The following CTNNA3 variants were observed in gnomAD, a reference collection of about 807,000 sequenced individuals.
CTNNA3 encodes catenin alpha 3.
CTNNA3 carries 76 observed loss-of-function variants against 95.7 expected under a neutral mutation model. The ratio of observed to expected loss-of-function variants is 0.79; its 90% CI spans 0.66 to 0.96. The LOEUF (loss-of-function observed/expected upper bound fraction) is 0.96. Ranked by LOEUF, CTNNA3 falls within the 40% of genes least tolerant of loss-of-function variation. CTNNA3 has a pLI of 0.00. For missense variants in CTNNA3, 1,191 were observed against 1,089.8 expected (o/e 1.09, Z -1.31); for synonymous variants, 431 against 374.4 (o/e 1.15, Z -1.74).
At chr10:66,899,127 T>C (rs980604825) in intron 7 of CTNNA3, among the ~76,000 whole-genome samples, 1 of 152,088 alleles carries the variant, frequency 6.6e-6, no homozygotes, top group African/African-American at 2.4e-5. Flanking sequence ...CTTCACTAAC[T>C]ATAAGGGAAA....
rs1554931879 is a variant in CTNNA3 at position 66,317,691 on chromosome 10, T to TTAA, written c.1733-37071_1733-37070insTTA. 2.3e-3 allele frequency among the ~76,000 whole-genome samples: 117 copies of TTAA among 50,112 alleles called. 2 individuals are homozygous for TTAA. Among genetic ancestry groups the TTAA allele is most frequent in the African/African-American group, 5.3e-3 (96 of 18,004 alleles). 32.9% of individuals were successfully genotyped at this position (50,112 alleles called of 152,430 possible). A position where few individuals can be genotyped will look rare whatever the true frequency, so the allele number is the denominator to read the frequency against. ...CTGTCTCAAAAAATTAAAAAAAATTTAAAATGAGAAAAGAAATTTTATAAT... is the reference window on the plus strand; with the variant it reads ...CTGTCTCAAAAAATTAAAAAAAATTTTAAAAAATGAGAAAAGAAATTTTATAAT... On this transcript the variant is annotated intron_variant, in intron 12 of 17. Coordinates refer to ENST00000433211, the MANE Select transcript of CTNNA3 (RefSeq NM_013266.4).
chr10:66,817,216 GAAATA>G (rs1185791441), intron 7 of CTNNA3, among the ~76,000 whole-genome samples: 5 of 151,546 alleles, frequency 3.3e-5, no homozygotes, highest in African/African-American at 1.2e-4. Context: ...AAAATCTACT[GAAATA>G]AAATAAAACA....
intron 13 of CTNNA3, among the ~76,000 whole-genome samples, chr10:66,115,326 A>G (rs1394009031): frequency 6.6e-6 from 1 of 152,228 alleles, no homozygotes; most frequent in Admixed American, 6.5e-5. Context: ...GTCCCTTACC[A>G]GGTCCCATGC....
chr10:66,831,609 A>T (rs1013623862), intron 7 of CTNNA3, among the ~76,000 whole-genome samples: 2 of 152,198 alleles, frequency 1.3e-5, no homozygotes, highest in African/African-American at 4.8e-5. Flanking sequence ...CCATGAAAGC[A>T]GCGGATATTT....
intron 7 of CTNNA3, among the ~76,000 whole-genome samples, chr10:66,898,571 C>T (rs1845596038): frequency 6.6e-6 from 1 of 151,880 alleles, no homozygotes; most frequent in Non-Finnish European, 1.5e-5. Flanking sequence ...AACATGAGTG[C>T]CAAAAAATAC....
At chr10:66,986,688 T>C (rs1589551347) in intron 7 of CTNNA3, among the ~76,000 whole-genome samples, 1 of 152,146 alleles carries the variant, frequency 6.6e-6, no homozygotes, top group Non-Finnish European at 1.5e-5. Flanking sequence ...AAGTCAACTT[T>C]TACAACTCCA....
intron 7 of CTNNA3, among the ~76,000 whole-genome samples, chr10:67,041,078 G>A (rs1427142720): frequency 6.6e-6 from 1 of 152,078 alleles, no homozygotes; most frequent in African/African-American, 2.4e-5. Flanking sequence ...CTGATAATAA[G>A]ATTAGTGTTA....
intron 9 of CTNNA3, among the ~76,000 whole-genome samples, chr10:66,762,864 G>A (rs1417265550): frequency 1.3e-5 from 2 of 151,706 alleles, no homozygotes; most frequent in African/African-American, 2.4e-5. Flanking sequence ...TTTAAATATG[G>A]GCTTTTTTCT....
intron 13 of CTNNA3, among the ~76,000 whole-genome samples, chr10:66,191,225 G>C (rs1275246602): frequency 6.6e-6 from 1 of 152,146 alleles, no homozygotes; most frequent in Non-Finnish European, 1.5e-5. Context: ...TGAGAAGAGA[G>C]ATTCTAGGTT....
rs528761424 is a variant in CTNNA3, at chr10:66,493,599, A to ATTTTTTTTTTT, written c.1531+27007_1531+27017dup. ...GGGTTGGCTAACATTTAACTACAGT[A>ATTTTTTTTTTT]TTTTTTTTTTTTTTTTTTTTGAGAC... On this transcript the variant is annotated intron_variant, in intron 11 of 17. Coordinates refer to ENST00000433211, the MANE Select transcript of CTNNA3 (RefSeq NM_013266.4). 3.1e-3 allele frequency among the ~76,000 whole-genome samples: 347 copies of ATTTTTTTTTTT among 112,000 alleles called. 32 individuals carry two copies. Among genetic ancestry groups the ATTTTTTTTTTT allele is most frequent in the African/African-American group, 0.012 (331 of 26,612 alleles). 73.5% of individuals were successfully genotyped at this position (112,000 alleles called of 152,430 possible).
In CTNNA3 at chr10:66,256,234, A is replaced by C. The variant is rs903080534; in HGVS notation, c.1884+24236T>G. ...TTTACAAGCTAGACTGCTGGACACT[A>C]TGCAAAAATATGCAAATTTAGACCC... is the stretch of plus-strand genomic sequence containing the variant. On this transcript the variant is annotated intron_variant, in intron 13 of 17. Coordinates refer to ENST00000433211, the MANE Select transcript of CTNNA3 (RefSeq NM_013266.4). 3.9e-5 allele frequency among the ~76,000 whole-genome samples: 6 copies of C among 152,288 alleles called. No individual in the cohort carries two copies. The South Asian group carries it at 1.2e-3, about 32-fold the overall frequency.
intron 1 of CTNNA3, among the ~76,000 whole-genome samples, chr10:67,763,024 A>G (rs1189667853): frequency 2.0e-5 from 3 of 152,108 alleles, no homozygotes; most frequent in African/African-American, 7.2e-5. Flanking sequence ...CTCCCAGCCA[A>G]ATAAAGCCCT....
chr10:66,556,426 AC>A (rs1480496087), intron 10 of CTNNA3, among the ~76,000 whole-genome samples: 1 of 152,040 alleles, frequency 6.6e-6, no homozygotes, highest in African/African-American at 2.4e-5. Context: ...GTTTATTGCA[AC>A]TTTATTCACA....
chr10:66,790,885 G>A (rs1453662090), intron 7 of CTNNA3, among the ~76,000 whole-genome samples: 2 of 152,032 alleles, frequency 1.3e-5, no homozygotes, highest in Non-Finnish European at 2.9e-5. Flanking sequence ...TCTAGAAGTT[G>A]CCCAGACTCC....
chr10:66,978,543 A>AAATAAAAATAAAAAAAAT (rs1850206589), intron 7 of CTNNA3, among the ~76,000 whole-genome samples: 1 of 113,024 alleles, frequency 8.8e-6, no homozygotes, highest in African/African-American at 3.2e-5. Context: ...AAAAAAAAAA[A>AAATAAAAATAAAAAAAAT]AAAAAAAAAA....
intron 10 of CTNNA3, among the ~76,000 whole-genome samples, chr10:66,529,981 C>T (rs1841409659): frequency 6.6e-6 from 1 of 152,102 alleles, no homozygotes; most frequent in Non-Finnish European, 1.5e-5. Context: ...TAGCTCATGC[C>T]TTAGAGGTTC....
chr10:67,236,261 C>G (rs1371144547), intron 5 of CTNNA3, among the ~76,000 whole-genome samples: 8 of 150,092 alleles, frequency 5.3e-5, no homozygotes, highest in Non-Finnish European at 8.9e-5. Context: ...GGAACCAACC[C>G]AAATGTCCAA....
chr10:66,840,502 A>T (rs1843033268), intron 7 of CTNNA3, among the ~76,000 whole-genome samples: 1 of 151,842 alleles, frequency 6.6e-6, no homozygotes, highest in East Asian at 1.9e-4. Flanking sequence ...TTTGCTTTGT[A>T]TTCTCAGCAC....
intron 9 of CTNNA3, among the ~76,000 whole-genome samples, chr10:66,724,617 C>T (rs1431126881): frequency 4.6e-5 from 7 of 152,040 alleles, no homozygotes; most frequent in African/African-American, 1.2e-4. Context: ...GATATCATCT[C>T]GAAATTTAAA....
Sources: allele counts gnomAD v4.1 joint callset (sites outside exome capture counted in the v4.1 genomes callset), GRCh38; gene constraint gnomAD v4.1.1; transcripts MANE v1.5; gene names NCBI Gene and HGNC (gene_info 2026-07-23, HGNC 2026-07-21).